ELOVL2: variants seen among roughly 807,000 people sequenced by gnomAD.
ELOVL2 encodes ELOVL fatty acid elongase 2, also known as very long chain fatty acid elongase 2.
Under a neutral mutation model 37.7 loss-of-function variants are expected in ELOVL2, and 38 were observed. The observed-to-expected ratio is 1.01, with a 90% CI of 0.78 to 1.32. The LOEUF is 1.32. Ranked by LOEUF, ELOVL2 falls within the 40% of genes most tolerant of loss-of-function variation. ELOVL2 has a pLI of 0.00. For synonymous variants in ELOVL2, 115 were observed against 122.3 expected (o/e 0.94, Z 0.40); for missense variants, 352 against 363.6 (o/e 0.97, Z 0.26).
chr6:11,004,736 C>T (rs1435521311), intron 3 of ELOVL2, among the ~76,000 whole-genome samples: 4 of 152,194 alleles, frequency 2.6e-5, no homozygotes, highest in Non-Finnish European at 4.4e-5. Context: ...TGTCTACTCT[C>T]AGGCAAATTA....
chr6:10,993,857 ATTTTTTTTT>A (rs530539525), intron 5 of ELOVL2, among the ~76,000 whole-genome samples: 2,176 of 79,134 alleles, frequency 0.027, 80 homozygotes, highest in African/African-American at 0.089. Context: ...CGCCCAGCTA[ATTTTTTTTT>A]TTTTTTTTTT....
chr6:10,984,297 CGTGAGCCACTGTGCCCAGTT>C (rs1782002096), intron 7 of ELOVL2, among the ~76,000 whole-genome samples: 1 of 152,082 alleles, frequency 6.6e-6, no homozygotes, highest in Non-Finnish European at 1.5e-5. Context: ...AGATTACAGG[CGTGAGCCACTGTGCCCAGTT>C]GGGCACTGGA....
At position 10,980,934 on chromosome 6, in the gene ELOVL2, C is replaced by T. The variant is rs987607533; in HGVS notation, c.*2847G>A. 1 of 152,464 alleles carries T rather than the reference C, an allele frequency of 6.6e-6. No individual in the cohort carries two copies. Among genetic ancestry groups the T allele is most frequent in the African/African-American group, 2.4e-5 (1 of 41,394 alleles). The allele number at this position is 152,464 out of a possible 1,614,324, so 9.4% of individuals were successfully genotyped here. On this transcript the variant is annotated 3_prime_UTR_variant, in exon 8 of 8. Transcript: ENST00000354666. The stretch of plus-strand genomic sequence containing the variant: ...CCATATTTTCCAAACAAGGAAGCCC[C>T]CAGACACATTTATGAACGATATGGA...
chr6:10,994,588 C>T (rs925598317), intron 5 of ELOVL2, among the ~76,000 whole-genome samples: 4 of 151,898 alleles, frequency 2.6e-5, no homozygotes, highest in African/African-American at 9.7e-5. Flanking sequence ...AGAGATGTAA[C>T]CTTAATTTTT....
At chr6:10,994,221 C>T (rs1229857436) in intron 5 of ELOVL2, among the ~76,000 whole-genome samples, 1 of 151,752 alleles carries the variant, frequency 6.6e-6, no homozygotes, top group Non-Finnish European at 1.5e-5. Context: ...AATCCCACCA[C>T]TTTAGGAGGC....
intron 1 of ELOVL2, among the ~76,000 whole-genome samples, chr6:11,013,152 T>G (rs1426618641): frequency 1.3e-5 from 2 of 152,224 alleles, no homozygotes; most frequent in Non-Finnish European, 2.9e-5. Flanking sequence ...GGGTCTCTAG[T>G]GACCTATCTG....
In ELOVL2 at chr6:10,989,708, C is replaced by T. The variant is rs148461943; in HGVS notation, c.760G>A (p.Val254Ile). The change falls in exon 7 of 8, where the codon GTT (valine) becomes ATT (isoleucine). Residue 254 changes from valine (V) to isoleucine (I), a missense_variant. Coordinates refer to ENST00000354666, the MANE Select transcript of ELOVL2 (RefSeq NM_017770.4). ...AATATTTACATTCCACGTACCTGAA[C>T]GTAAAAATTTAAGAAGAGGATGACT... ...TLVILFLNFYVQTYRKKPMKK... is the reference protein window; with the variant it reads ...TLVILFLNFYIQTYRKKPMKK... The T allele has an allele frequency of 7.7e-5, 125 of 1,613,046 alleles. No individual in the cohort carries two copies. The highest frequency in any genetic ancestry group is 6.7e-4 in the South Asian group (61 of 91,038).
chr6:11,033,580 A>T (rs13204498), intron 1 of ELOVL2, among the ~76,000 whole-genome samples: 1 of 152,234 alleles, frequency 6.6e-6, no homozygotes, highest in Admixed American at 6.5e-5. Context: ...AATCAATGAA[A>T]CAATTTTCAA....
chr6:11,017,942 C>T (rs576806956), intron 1 of ELOVL2, among the ~76,000 whole-genome samples: 1 of 152,280 alleles, frequency 6.6e-6, no homozygotes, highest in African/African-American at 2.4e-5. Flanking sequence ...ACAATACTCA[C>T]GATATCCATT....
At chr6:10,990,150 T>G (rs1782126253) in intron 6 of ELOVL2, among the ~76,000 whole-genome samples, 168 bp downstream of exon 6, 1 of 151,928 alleles carries the variant, frequency 6.6e-6, no homozygotes, top group Admixed American at 6.5e-5. Flanking sequence ...GCTAATAGCA[T>G]GCACAAAGGG....
In ELOVL2 at chr6:11,005,453, G is replaced by A. The variant is rs2295601; in HGVS notation, c.174C>T (p.Asn58=). The change falls in exon 3 of 8, where the codon AAC becomes AAT. Residue 58 remains asparagine, a synonymous_variant. Transcript: ENST00000354666. The part of the protein sequence containing the change: ...SIWLGNKYMK[N]RPALSLRGIL... ...TACCCCTGAGAGAAAGAGCAGGTCT[G>A]TTCTTCATATACTTGTTACCCAGCC... is the stretch of plus-strand genomic sequence containing the variant. 0.23 allele frequency: 364,817 copies of A among 1,613,114 alleles called. 42,253 individuals carry two copies. Among genetic ancestry groups the A allele is most frequent in the Middle Eastern group, 0.29 (1,752 of 6,060 alleles).
At chr6:11,016,403 A>T (rs951395178) in intron 1 of ELOVL2, among the ~76,000 whole-genome samples, 1 of 152,236 alleles carries the variant, frequency 6.6e-6, no homozygotes, top group African/African-American at 2.4e-5. Context: ...CAAAACACAC[A>T]GTTTGAAACA....
intron 4 of ELOVL2, among the ~76,000 whole-genome samples, chr6:10,996,290 T>TA (rs1456081572): frequency 1.3e-5 from 2 of 152,200 alleles, no homozygotes; most frequent in African/African-American, 2.4e-5. Flanking sequence ...CAAATAAATA[T>TA]AAAACAACCT....
chr6:10,989,862 CTG>C lies in ELOVL2; in HGVS notation c.631-27_631-26del. On this transcript the variant is annotated intron_variant, in intron 6 of 7. Coordinates refer to ENST00000354666, the MANE Select transcript of ELOVL2 (RefSeq NM_017770.4). ...CCTGGGGACGGCAGAGAGGGCATCT[CTG>C]TGAGCGAGCCAGGCTGTGCCACACA... 3 of 1,613,740 alleles carry C rather than the reference CTG, an allele frequency of 1.9e-6. No individual in the cohort carries two copies. The African/African-American group carries it at 4.0e-5, about 22-fold the overall frequency.
intron 1 of ELOVL2, among the ~76,000 whole-genome samples, chr6:11,018,460 A>C (rs1782716902): frequency 6.6e-6 from 1 of 152,262 alleles, no homozygotes; most frequent in African/African-American, 2.4e-5. Flanking sequence ...ATACACAAGA[A>C]GTATGGAGAC....
chr6:11,011,639 T>G (rs1006314739), intron 1 of ELOVL2, among the ~76,000 whole-genome samples: 1 of 152,246 alleles, frequency 6.6e-6, no homozygotes, highest in South Asian at 2.1e-4. Flanking sequence ...TTTTTTCTAT[T>G]TATGTTTTGT....
chr6:11,018,706 C>T (rs1581875402), intron 1 of ELOVL2, among the ~76,000 whole-genome samples: 1 of 152,064 alleles, frequency 6.6e-6, no homozygotes, highest in East Asian at 1.9e-4. Flanking sequence ...CATGCACAGG[C>T]TATTGAAATT....
At chr6:11,042,234 G>A (rs1783109120) in intron 1 of ELOVL2, among the ~76,000 whole-genome samples, 1 of 151,970 alleles carries the variant, frequency 6.6e-6, no homozygotes, top group Non-Finnish European at 1.5e-5. Flanking sequence ...AATCACTTGA[G>A]CCCAGGAGGT....
intron 4 of ELOVL2, among the ~76,000 whole-genome samples, chr6:10,995,546 T>C (rs767718623): frequency 5.9e-5 from 9 of 152,338 alleles, no homozygotes; most frequent in Non-Finnish European, 8.8e-5. Context: ...AACAGTGGCC[T>C]GCTTACTCCT....
Sources: allele counts gnomAD v4.1 joint callset (sites outside exome capture counted in the v4.1 genomes callset), GRCh38; gene constraint gnomAD v4.1.1; transcripts MANE v1.5; gene names NCBI Gene and HGNC (gene_info 2026-07-23, HGNC 2026-07-21).